Variants in CNTNAP2 observed in about 807,000 individuals in gnomAD.
CNTNAP2 encodes contactin-associated protein-like 2.
CNTNAP2 carries 98 observed loss-of-function variants against 155.2 expected under a neutral mutation model. That is an observed-to-expected ratio of 0.63 (90% CI 0.54 to 0.75). The LOEUF is 0.75. Ranked by LOEUF, CNTNAP2 falls within the 30% of genes least tolerant of loss-of-function variation. The pLI, the probability that CNTNAP2 is intolerant of heterozygous loss-of-function variation, is 0.00. For synonymous variants in CNTNAP2, 651 were observed against 631.2 expected, an observed-to-expected ratio of 1.03 and a Z score of -0.47; for missense variants, 1,727 against 1,688.1, an observed-to-expected ratio of 1.02 and a Z score of -0.40.
intron 3 of CNTNAP2, among the ~76,000 whole-genome samples, chr7:147,029,355 C>T (rs531798906): frequency 1.3e-5 from 2 of 152,212 alleles, no homozygotes; most frequent in African/African-American, 4.8e-5. Context: ...TCATTATCAT[C>T]AGTTACCTCA....
At chr7:147,931,228 T>A (rs1381979087) in intron 14 of CNTNAP2, among the ~76,000 whole-genome samples, 1 of 147,582 alleles carries the variant, frequency 6.8e-6, no homozygotes, top group African/African-American at 2.5e-5. Flanking sequence ...TAGAAAAACT[T>A]GAAGAAATAT....
intron 1 of CNTNAP2, among the ~76,000 whole-genome samples, chr7:146,354,544 A>G (rs752026524): frequency 6.6e-5 from 10 of 151,378 alleles, no homozygotes; most frequent in Non-Finnish European, 1.0e-4. Flanking sequence ...CCTCCCTAGT[A>G]GCTGGGATTA....
At chr7:148,199,932 G>C (rs1049101778) in intron 18 of CNTNAP2, among the ~76,000 whole-genome samples, 1 of 152,158 alleles carries the variant, frequency 6.6e-6, no homozygotes, top group Non-Finnish European at 1.5e-5. Flanking sequence ...ACTGGTGTGA[G>C]TCCTGGAGTC....
intron 8 of CNTNAP2, among the ~76,000 whole-genome samples, chr7:147,295,264 T>C (rs1261470720): frequency 6.7e-6 from 1 of 150,322 alleles, no homozygotes; most frequent in Non-Finnish European, 1.5e-5. Context: ...TGTGTGTGTG[T>C]GCATGCGTGT....
intron 1 of CNTNAP2, among the ~76,000 whole-genome samples, chr7:146,689,470 G>A (rs1454781198): frequency 1.3e-5 from 2 of 152,090 alleles, no homozygotes; most frequent in African/African-American, 4.8e-5. Flanking sequence ...AAAATACAAA[G>A]GAATTTTCTC....
chr7:148,369,829 G>A (rs1053838774), intron 21 of CNTNAP2, among the ~76,000 whole-genome samples: 12 of 151,980 alleles, frequency 7.9e-5, no homozygotes, highest in African/African-American at 2.2e-4. Context: ...TCCAACTTTC[G>A]AAAAGTCTTT....
At chr7:147,272,358 A>AT (rs11454949) in intron 8 of CNTNAP2, among the ~76,000 whole-genome samples, 152,330 of 152,330 alleles carry the variant, frequency 1, 76,165 homozygotes, top group Non-Finnish European at 1. Context: ...ATTTGCATGT[A>AT]TACGTATTTT....
chr7:147,541,539 T>C (rs1028047267), intron 11 of CNTNAP2, among the ~76,000 whole-genome samples: 4 of 152,210 alleles, frequency 2.6e-5, no homozygotes, highest in Non-Finnish European at 5.9e-5. Flanking sequence ...TAAAATTCTG[T>C]GGTTCTATGA....
intron 8 of CNTNAP2, among the ~76,000 whole-genome samples, chr7:147,183,277 C>G (rs1014928324): frequency 6.6e-6 from 1 of 152,158 alleles, no homozygotes; most frequent in Non-Finnish European, 1.5e-5. Context: ...GTCATCAATA[C>G]TGTTTTGAAA....
At chr7:148,102,787 T>C (rs779958720) in intron 15 of CNTNAP2, among the ~76,000 whole-genome samples, 1 of 152,198 alleles carries the variant, frequency 6.6e-6, no homozygotes, top group Non-Finnish European at 1.5e-5. Context: ...CCTGTAGTGC[T>C]GTGGTAACCA....
chr7:148,078,646 A>T (rs1803541684), intron 15 of CNTNAP2, among the ~76,000 whole-genome samples: 1 of 151,958 alleles, frequency 6.6e-6, no homozygotes, highest in African/African-American at 2.4e-5. Context: ...ATGCCCAGCT[A>T]ATCTTTGTAT....
intron 13 of CNTNAP2, among the ~76,000 whole-genome samples, chr7:147,682,982 C>T (rs1438795386): frequency 6.6e-6 from 1 of 151,648 alleles, no homozygotes; most frequent in African/African-American, 2.4e-5. Flanking sequence ...CACACAAACA[C>T]GATGAAGGAA....
At chr7:147,898,221 A>G (rs997283948) in intron 13 of CNTNAP2, among the ~76,000 whole-genome samples, 14 of 152,230 alleles carry the variant, frequency 9.2e-5, no homozygotes, top group African/African-American at 3.4e-4. Context: ...TTGCTCATTC[A>G]TTACATTCAT....
intron 15 of CNTNAP2, among the ~76,000 whole-genome samples, chr7:148,094,407 C>T (rs141499162): frequency 6.6e-6 from 1 of 152,232 alleles, no homozygotes; most frequent in East Asian, 1.9e-4. Flanking sequence ...AGAAGGAAGA[C>T]AGAAGTTGAA....
At chr7:148,158,227 T>TTTTTTTTTTTTTTG (rs1805442121) in intron 17 of CNTNAP2, among the ~76,000 whole-genome samples, 1 of 132,988 alleles carries the variant, frequency 7.5e-6, no homozygotes, top group African/African-American at 3.3e-5. Flanking sequence ...TTGCGCTTTT[T>TTTTTTTTTTTTTTG]TTTTTTTTTT....
chr7:147,083,952 A>C (rs1584828009), intron 4 of CNTNAP2, among the ~76,000 whole-genome samples: 1 of 94,854 alleles, frequency 1.1e-5, no homozygotes, highest in African/African-American at 3.3e-5. Context: ...ATATAGCATT[A>C]TATATAGCAT....
intron 21 of CNTNAP2, among the ~76,000 whole-genome samples, chr7:148,382,355 G>T (rs569594096): frequency 1.3e-5 from 2 of 152,220 alleles, no homozygotes; most frequent in Admixed American, 6.5e-5. Flanking sequence ...TTTAAGAAGT[G>T]TAGACTCCAT....
At chr7:148,342,248 A>G (rs1054584989) in intron 21 of CNTNAP2, among the ~76,000 whole-genome samples, 7 of 152,212 alleles carry the variant, frequency 4.6e-5, no homozygotes, top group Non-Finnish European at 8.8e-5. Context: ...GTCAGAAATG[A>G]TGACCATTCT....
intron 14 of CNTNAP2, among the ~76,000 whole-genome samples, chr7:147,947,662 G>A (rs1800844942): frequency 6.6e-6 from 1 of 151,866 alleles, no homozygotes; most frequent in Non-Finnish European, 1.5e-5. Flanking sequence ...TCCAGCAAGA[G>A]TAGCTCCCAA....
Sources: allele counts gnomAD v4.1 joint callset (sites outside exome capture counted in the v4.1 genomes callset), GRCh38; gene constraint gnomAD v4.1.1; transcripts MANE v1.5; gene names NCBI Gene and HGNC (gene_info 2026-07-23, HGNC 2026-07-21).